SNX25: variants seen among roughly 807,000 people sequenced by gnomAD.
The protein encoded by SNX25 is sorting nexin-25.
In SNX25, 62 loss-of-function variants were observed where a neutral mutation model predicts 113.7. The ratio of observed to expected loss-of-function variants is 0.55; its 90% CI spans 0.44 to 0.67. SNX25 has a LOEUF of 0.67. Among genes scored for constraint, SNX25 ranks in the 30% least tolerant of loss-of-function variants. The probability of loss-of-function intolerance (pLI) is 0.00; values close to 1 mark genes in which losing one functional copy is unlikely to be tolerated. For synonymous variants in SNX25, 421 were observed against 436.2 expected, an observed-to-expected ratio of 0.97 and a Z score of 0.43; for missense variants, 1,014 against 1,161.0, an observed-to-expected ratio of 0.87 and a Z score of 1.84.
downstream of SNX25, chr4:185,372,729 C>T (rs1561077449): frequency 7.2e-6 from 5 of 697,372 alleles, no homozygotes; most frequent in African/African-American, 1.8e-5. Context: ...ACATGATGGT[C>T]CTCCCCTCTG....
In SNX25 at chr4:185,362,091, T is replaced by C. The variant is rs1180575371; in HGVS notation, c.2819T>C (p.Leu940Pro). The C allele has an allele frequency of 6.2e-7, 1 of 1,612,836 alleles. No homozygotes were observed. Among genetic ancestry groups the C allele is most frequent in the Non-Finnish European group, 8.5e-7 (1 of 1,179,232 alleles). Residue 940 changes from leucine to proline, a missense_variant, in exon 17 of 19, where the codon CTT becomes CCT. Coordinates refer to ENST00000652585, the MANE Select transcript of SNX25 (RefSeq NM_001378034.2). Reference sequence around the variant, plus strand: ...AAACAGAGAGCACAGCAAAAGCTGCTTGAAAACATTCCAGGTGAGGCCTGG... The same window carrying C: ...AAACAGAGAGCACAGCAAAAGCTGCCTGAAAACATTCCAGGTGAGGCCTGG... ...ETKQRAQQKL[L>P]ENIPDMLQSL...
chr4:185,238,011 C>T lies in SNX25; in HGVS notation c.430-9283C>T, dbSNP rs368958213. Among the ~76,000 whole-genome samples, 8 of 136,030 alleles carry T rather than the reference C, an allele frequency of 5.9e-5. 1 individual carries two copies. Among genetic ancestry groups the T allele is most frequent in the African/African-American group, 2.1e-4 (8 of 37,524 alleles). The allele number at this position is 136,030 out of a possible 152,430, so 89.2% of individuals were successfully genotyped here. Reference sequence around the variant, plus strand: ...TCAGGAGGCGGAGGTTGCAGTGAGCCGAGATCACACCACTGCACTCCAGTC... The same window carrying T: ...TCAGGAGGCGGAGGTTGCAGTGAGCTGAGATCACACCACTGCACTCCAGTC... On this transcript the variant is annotated intron_variant, in intron 1 of 18. Transcript: ENST00000652585.
chr4:185,346,236 C>A (rs188080707), intron 12 of SNX25, among the ~76,000 whole-genome samples: 247 of 152,282 alleles, frequency 1.6e-3, no homozygotes, highest in African/African-American at 5.3e-3. Flanking sequence ...TTTCTGTGAG[C>A]CAGGTTTCCA....
downstream of SNX25, chr4:185,374,590 G>C (rs1317642234): frequency 8.2e-6 from 8 of 973,208 alleles, no homozygotes; most frequent in Admixed American, 1.3e-4. Flanking sequence ...CTGTGCCCAA[G>C]GGGTACAATT....
chr4:185,329,790 G>C (rs1243047381), intron 9 of SNX25, among the ~76,000 whole-genome samples: 1 of 152,020 alleles, frequency 6.6e-6, no homozygotes, highest in East Asian at 1.9e-4. Flanking sequence ...GAGACCTGAG[G>C]GTTTTAAGAA....
intron 13 of SNX25, among the ~76,000 whole-genome samples, chr4:185,350,701 A>G (rs1428029364): frequency 6.6e-6 from 1 of 152,186 alleles, no homozygotes; most frequent in Admixed American, 6.5e-5. Context: ...TCTCTACCAA[A>G]AAATGCGAAA....
At chr4:185,378,532 C>T in the SNX25 span, 2 of 1,045,198 alleles carry the variant, frequency 1.9e-6, no homozygotes, top group Non-Finnish European at 2.3e-6. Flanking sequence ...CTTAGTGGGA[C>T]CTGGTGACAC....
chr4:185,327,512 G>A (rs1267583333), intron 9 of SNX25, among the ~76,000 whole-genome samples: 1 of 151,906 alleles, frequency 6.6e-6, no homozygotes, highest in African/African-American at 2.4e-5. Context: ...TTTACTTTAG[G>A]ACAAGAATTT....
chr4:185,348,555 C>T (rs2095299537), intron 13 of SNX25, among the ~76,000 whole-genome samples: 1 of 152,062 alleles, frequency 6.6e-6, no homozygotes, highest in Non-Finnish European at 1.5e-5. Context: ...TGCCACCACA[C>T]CTGGTTAATT....
chr4:185,223,603 A>G (rs1422231966), intron 1 of SNX25, among the ~76,000 whole-genome samples: 7 of 151,826 alleles, frequency 4.6e-5, no homozygotes, highest in Admixed American at 2.6e-4. Context: ...ACACGGTGAA[A>G]CCCTGTCTCT....
At chr4:185,377,801 C>G in the SNX25 span, 5 of 296,496 alleles carry the variant, frequency 1.7e-5, no homozygotes, top group African/African-American at 8.8e-5. Context: ...TGGCATTGTT[C>G]TCTTTAACAA....
chr4:185,255,998 A>C (rs67025659), intron 2 of SNX25, among the ~76,000 whole-genome samples: 17,533 of 152,156 alleles, frequency 0.12, 1,056 homozygotes, highest in East Asian at 0.16. Context: ...AATCTAGAAA[A>C]CATAACAACC....
chr4:185,305,542 G>A (rs1041848951), intron 6 of SNX25, among the ~76,000 whole-genome samples: 3 of 152,146 alleles, frequency 2.0e-5, no homozygotes, highest in Non-Finnish European at 2.9e-5. Flanking sequence ...AACAGTTGTC[G>A]TTAGATGTTG....
chr4:185,276,617 T>C (rs1749721250), intron 5 of SNX25, among the ~76,000 whole-genome samples: 1 of 152,150 alleles, frequency 6.6e-6, no homozygotes, highest in South Asian at 2.1e-4. Flanking sequence ...GGAGGATGGC[T>C]TGAGCCCAGG....
chr4:185,247,240 T>TTA, intron 1 of SNX25, 54 bp from the exon 2 acceptor site: 2 of 1,197,062 alleles, frequency 1.7e-6, no homozygotes, highest in Non-Finnish European at 2.4e-6. Context: ...TTTTTTTTTT[T>TTA]ATGTGATTTA....
At chr4:185,288,114 A>T in intron 6 of SNX25, 32 bp downstream of exon 6, 1 of 1,581,032 alleles carries the variant, frequency 6.3e-7, no homozygotes, top group Non-Finnish European at 8.7e-7. Context: ...TCAGTTCCAC[A>T]TCTGAAAGGT....
chr4:185,312,070 C>T (rs1446370815), intron 7 of SNX25, among the ~76,000 whole-genome samples: 2 of 152,166 alleles, frequency 1.3e-5, no homozygotes, highest in African/African-American at 4.8e-5. Flanking sequence ...TGCCCCCTTC[C>T]TCCTCCTCAT....
At chr4:185,206,724 A>G (rs1737206005), upstream of SNX25, among the ~76,000 whole-genome samples, 1 of 152,050 alleles carries the variant, frequency 6.6e-6, no homozygotes, top group Non-Finnish European at 1.5e-5. Flanking sequence ...AGACAGAACC[A>G]AAAGGATATA....
At chr4:185,338,981 A>AT (rs1016125631) in intron 10 of SNX25, among the ~76,000 whole-genome samples, 5 of 150,400 alleles carry the variant, frequency 3.3e-5, no homozygotes, top group East Asian at 2.0e-4. Flanking sequence ...TTTAGAATGA[A>AT]TTTTTTTTTT....
Sources: gnomAD v4.1 joint callset for allele counts (sites outside exome capture counted in the v4.1 genomes callset) on GRCh38, gnomAD v4.1.1 for gene constraint, MANE v1.5 for transcripts, NCBI Gene and HGNC (gene_info 2026-07-23, HGNC 2026-07-21) for gene names.